ADGRL2: variants seen among roughly 807,000 people sequenced by gnomAD.
ADGRL2 encodes the protein adhesion G protein-coupled receptor L2, also known as calcium-independent alpha-latrotoxin receptor 2.
In ADGRL2, 44 loss-of-function variants were observed where a neutral mutation model predicts 157.4. That is an observed-to-expected ratio of 0.28 (90% CI 0.22 to 0.36). The LOEUF (loss-of-function observed/expected upper bound fraction) is 0.36, where lower values mean the gene tolerates loss of function less well. ADGRL2 is among the 10% of genes least tolerant of loss of function. ADGRL2 has a pLI of 1.00. For synonymous variants in ADGRL2, 585 were observed against 624.7 expected, an observed-to-expected ratio of 0.94 and a Z score of 0.95; for missense variants, 1,510 against 1,768.9, an observed-to-expected ratio of 0.85 and a Z score of 2.63.
intron 1 of ADGRL2, among the ~76,000 whole-genome samples, chr1:81,747,072 A>G (rs1235912575): frequency 1.4e-5 from 2 of 147,122 alleles, no homozygotes; most frequent in Non-Finnish European, 3.0e-5. Context: ...ATGTGTATAT[A>G]TGTATATATG....
At chr1:81,924,744 C>G (rs989964624) in intron 3 of ADGRL2, among the ~76,000 whole-genome samples, 1 of 151,886 alleles carries the variant, frequency 6.6e-6, no homozygotes, top group Non-Finnish European at 1.5e-5. Flanking sequence ...GGTTTGGAGC[C>G]GAATTTCGCT....
At chr1:81,919,475 C>G (rs898208754) in intron 3 of ADGRL2, among the ~76,000 whole-genome samples, 1 of 151,854 alleles carries the variant, frequency 6.6e-6, no homozygotes, top group South Asian at 2.1e-4. Context: ...ATGAAGAAAA[C>G]TATTATTTAA....
At chr1:81,409,831 C>T (rs2076918666) in intron 1 of ADGRL2, among the ~76,000 whole-genome samples, 1 of 152,176 alleles carries the variant, frequency 6.6e-6, no homozygotes, top group Non-Finnish European at 1.5e-5. Flanking sequence ...CCCACTTCTG[C>T]AGGATTCATA....
chr1:81,376,368 T>G (rs2076250059), intron 1 of ADGRL2, among the ~76,000 whole-genome samples: 1 of 152,140 alleles, frequency 6.6e-6, no homozygotes, highest in South Asian at 2.1e-4. Context: ...TTTGGGAACT[T>G]TTCCAGCCTG....
chr1:81,382,444 G>A (rs2076359555), intron 1 of ADGRL2, among the ~76,000 whole-genome samples: 1 of 152,146 alleles, frequency 6.6e-6, no homozygotes, highest in African/African-American at 2.4e-5. Context: ...CTACTTGTTA[G>A]GCATATTGTG....
chr1:81,518,920 AC>A, intron 2 of ADGRL2, among the ~76,000 whole-genome samples: 1 of 152,302 alleles, frequency 6.6e-6, no homozygotes, highest in Non-Finnish European at 1.5e-5. Context: ...TTAAAGCATT[AC>A]TTTTTTCTGT....
chr1:81,492,560 G>C (rs919929095), intron 2 of ADGRL2, among the ~76,000 whole-genome samples: 1 of 152,104 alleles, frequency 6.6e-6, no homozygotes, highest in Non-Finnish European at 1.5e-5. Context: ...CTTGGACCTA[G>C]ACATACTACA....
chr1:81,338,088 C>G (rs965250244), intron 1 of ADGRL2, among the ~76,000 whole-genome samples: 2 of 152,124 alleles, frequency 1.3e-5, no homozygotes, highest in African/African-American at 4.8e-5. Flanking sequence ...CTTGGCCCAA[C>G]GCAGTGGCTC....
At position 81,993,390 on chromosome 1, in the gene ADGRL2, C is replaced by G. The variant is rs1664939867; in HGVS notation, c.*2245C>G. On this transcript the variant is annotated 3_prime_UTR_variant, in exon 24 of 24. Coordinates refer to ENST00000686636, the MANE Select transcript of ADGRL2 (RefSeq NM_001366006.2). ...TGTGTGATGTGTAATTCCTAGTATA[C>G]AAGCTACCTAGAGTCAGGCTGGTTC... Among the ~76,000 whole-genome samples, 1 of 151,844 alleles carries G rather than the reference C, an allele frequency of 6.6e-6. No homozygotes were observed. Among genetic ancestry groups the G allele is most frequent in the Non-Finnish European group, 1.5e-5 (1 of 67,990 alleles).
At chr1:81,680,692 A>G (rs2083094399) in intron 3 of ADGRL2, among the ~76,000 whole-genome samples, 1 of 152,092 alleles carries the variant, frequency 6.6e-6, no homozygotes, top group African/African-American at 2.4e-5. Flanking sequence ...AATTCAGCCT[A>G]TTTGACTTTC....
chr1:81,364,009 G>C (rs1202171504), intron 1 of ADGRL2, among the ~76,000 whole-genome samples: 1 of 152,058 alleles, frequency 6.6e-6, no homozygotes, highest in African/African-American at 2.4e-5. Flanking sequence ...TAATATTGTT[G>C]AAATTCTTCT....
At chr1:81,507,946 G>T (rs753409093) in intron 2 of ADGRL2, among the ~76,000 whole-genome samples, 1 of 152,018 alleles carries the variant, frequency 6.6e-6, no homozygotes, top group Non-Finnish European at 1.5e-5. Flanking sequence ...TAGTGTTAAA[G>T]GTTCTAAAAT....
Position 81,943,878 on chromosome 1 carries a change from G to C in ADGRL2, c.1210+109G>C. The stretch of plus-strand genomic sequence containing the variant: ...TTTTCTTCCCCTTTTCATAGTTAAA[G>C]GACAAAGGACAATGTTGTGGTACAT... On this transcript the variant is annotated intron_variant, in intron 6 of 23. Transcript: ENST00000686636. The surrounding 1 kb of genome is among the most constrained non-coding windows in gnomAD (Gnocchi z 5.6). 5.2e-6 allele frequency: 4 copies of C among 774,536 alleles called. No homozygotes were observed. In the East Asian group the frequency reaches 1.0e-4, roughly 20 times the overall value. 48.0% of individuals were successfully genotyped at this position (774,536 alleles called of 1,614,324 possible).
chr1:81,818,968 A>T (rs545485246), intron 1 of ADGRL2, among the ~76,000 whole-genome samples: 3 of 152,274 alleles, frequency 2.0e-5, no homozygotes, highest in Middle Eastern at 3.4e-3. Flanking sequence ...GGGAATGTGA[A>T]GTGTACAGAA....
chr1:81,820,630 T>G (rs2090892034), intron 1 of ADGRL2, among the ~76,000 whole-genome samples: 1 of 152,002 alleles, frequency 6.6e-6, no homozygotes, highest in Admixed American at 6.6e-5. Context: ...TCTATTATTG[T>G]TGCTACCTTC....
At position 81,831,369 on chromosome 1, in the gene ADGRL2, A is replaced by T. The variant is rs374023130; in HGVS notation, c.-100-5516A>T. 1.3e-3 allele frequency among the ~76,000 whole-genome samples: 199 copies of T among 152,280 alleles called. 8 individuals are homozygous for T. The South Asian group carries it at 0.038, about 29-fold the overall frequency. The stretch of plus-strand genomic sequence containing the variant: ...ATATTTAGCTGTTATTACCTAAGGG[A>T]TGTTTAGCTCATGTAAACATTTTAA... On this transcript the variant is annotated intron_variant, in intron 1 of 23. Coordinates refer to ENST00000686636, the MANE Select transcript of ADGRL2 (RefSeq NM_001366006.2).
intron 2 of ADGRL2, among the ~76,000 whole-genome samples, chr1:81,787,563 G>A (rs1011213652): frequency 2.0e-5 from 3 of 152,154 alleles, no homozygotes; most frequent in East Asian, 1.9e-4. Flanking sequence ...GCTGAGGCAG[G>A]AGAATTGCTT....
intron 3 of ADGRL2, among the ~76,000 whole-genome samples, chr1:81,584,866 T>C (rs1461088123): frequency 6.6e-6 from 1 of 152,140 alleles, no homozygotes; most frequent in Admixed American, 6.6e-5. Flanking sequence ...AGTTACCTGG[T>C]GGAAAGGTTT....
At chr1:81,583,464 T>C (rs116082191) in intron 3 of ADGRL2, among the ~76,000 whole-genome samples, 2,185 of 152,228 alleles carry the variant, frequency 0.014, 56 homozygotes, top group African/African-American at 0.048. Context: ...GAAGGTTCAC[T>C]CTTTGAGATG....
Sources: gnomAD v4.1 joint callset for allele counts (sites outside exome capture counted in the v4.1 genomes callset) on GRCh38, gnomAD v4.1.1 for gene constraint, Gnocchi (gnomAD v3.1) non-coding constraint, MANE v1.5 for transcripts, NCBI Gene and HGNC (gene_info 2026-07-23, HGNC 2026-07-21) for gene names.